Variants in LRRTM3 observed in about 807,000 individuals in gnomAD.
LRRTM3 encodes leucine-rich repeat transmembrane neuronal protein 3.
LRRTM3 carries 24 observed loss-of-function variants against 44.7 expected under a neutral mutation model. The observed-to-expected ratio is 0.54, with a 90% CI of 0.39 to 0.76. LRRTM3 has a LOEUF of 0.76. LRRTM3 is among the 30% of genes least tolerant of loss of function. The pLI, the probability that LRRTM3 is intolerant of heterozygous loss-of-function variation, is 0.00. For missense variants in LRRTM3, 587 were observed against 702.2 expected (o/e 0.84, Z 1.85); for synonymous variants, 277 against 278.7 (o/e 0.99, Z 0.06).
chr10:66,951,437 G>T (rs1050359057), intron 2 of LRRTM3, among the ~76,000 whole-genome samples: 2 of 152,074 alleles, frequency 1.3e-5, no homozygotes, highest in African/African-American at 4.8e-5. Flanking sequence ...CTTTTAAATG[G>T]CTTACTATGT....
chr10:66,972,519 G>C (rs1192073341), intron 2 of LRRTM3, among the ~76,000 whole-genome samples: 2 of 151,758 alleles, frequency 1.3e-5, no homozygotes, highest in Non-Finnish European at 2.9e-5. Context: ...GGTATTTTTG[G>C]TCCATTTGCT....
At position 66,927,796 on chromosome 10, in the gene LRRTM3, G is replaced by T; in HGVS notation, c.880G>T (p.Gly294Cys). 1 of 1,614,180 alleles carries T rather than the reference G, an allele frequency of 6.2e-7. No individual in the cohort carries two copies. The highest frequency in any genetic ancestry group is 8.5e-7 in the Non-Finnish European group (1 of 1,180,036). ...NLDSNKLTFI[G>C]QEILDSWISL... ...GGATTCCAACAAGCTCACATTTATTGGTCAAGAGATTTTGGATTCTTGGAT... is the reference window on the plus strand; with the variant it reads ...GGATTCCAACAAGCTCACATTTATTTGTCAAGAGATTTTGGATTCTTGGAT... Residue 294 changes from glycine to cysteine, a missense_variant, in exon 2 of 3, where the codon GGT (glycine) becomes TGT (cysteine). By Grantham distance (159) the Gly-to-Cys change is radical. Around this residue, in one of 3 missense-constraint regions of LRRTM3, gnomAD observed 222 missense variants for 323.3 expected, o/e 0.69. Transcript: ENST00000361320. The surrounding 1 kb of genome is among the most constrained non-coding windows in gnomAD (Gnocchi z 4.7).
At chr10:66,930,440 C>T (rs764966968) in intron 2 of LRRTM3, among the ~76,000 whole-genome samples, 2 of 152,080 alleles carry the variant, frequency 1.3e-5, no homozygotes, top group African/African-American at 2.4e-5. Context: ...TCAGTAAATA[C>T]ATATTCCATC....
Position 66,927,929 on chromosome 10 carries a change from T to C in LRRTM3, c.1013T>C (p.Ile338Thr), listed in dbSNP as rs1385597918. 6.2e-7 allele frequency: 1 copy of C among 1,614,204 alleles called. No homozygotes were observed. The highest frequency in any genetic ancestry group is 1.1e-5 in the South Asian group (1 of 91,084). ...TTTAAAGGTCTAAGGGAGAATACAA[T>C]TATCTGTGCCAGTCCCAAAGAGCTG... ...KSFKGLRENTIICASPKELQG... is the reference protein window; with the variant it reads ...KSFKGLRENTTICASPKELQG... The change falls in exon 2 of 3, where the codon ATT (isoleucine) becomes ACT (threonine). Residue 338 changes from isoleucine to threonine, a missense_variant. Physicochemically the swap from Ile to Thr is moderately conservative, Grantham distance 89. Coordinates refer to ENST00000361320, the MANE Select transcript of LRRTM3 (RefSeq NM_178011.5). This position sits in a 1 kb window ranked among gnomAD's most constrained non-coding sequence, Gnocchi z 4.7.
Position 67,097,933 on chromosome 10 carries a change from A to T in LRRTM3, c.*137A>T. 2 of 707,140 alleles carry T rather than the reference A, an allele frequency of 2.8e-6. No individual in the cohort carries two copies. The highest frequency in any genetic ancestry group is 1.9e-5 in the South Asian group (1 of 53,114). The allele number at this position is 707,140 out of a possible 1,614,324, so 43.8% of individuals were successfully genotyped here. The stretch of plus-strand genomic sequence containing the variant: ...TGTTCAAATAAACAAAAAATCCAAG[A>T]TTGATTCATGAAATAAAGAAGACAT... On this transcript the variant is annotated 3_prime_UTR_variant, in exon 3 of 3. Coordinates refer to ENST00000361320, the MANE Select transcript of LRRTM3 (RefSeq NM_178011.5).
intron 2 of LRRTM3, among the ~76,000 whole-genome samples, chr10:67,042,882 A>T (rs1589650619): frequency 6.6e-6 from 1 of 152,164 alleles, no homozygotes; most frequent in East Asian, 1.9e-4. Context: ...GCAATAGACC[A>T]GAGGGTTTAA....
At chr10:67,032,231 T>C (rs1853771686) in intron 2 of LRRTM3, among the ~76,000 whole-genome samples, 1 of 152,136 alleles carries the variant, frequency 6.6e-6, no homozygotes, top group Non-Finnish European at 1.5e-5. Context: ...CTACTTTGAC[T>C]CCAGAACTGA....
chr10:67,067,210 T>C (rs1346343497), intron 2 of LRRTM3, among the ~76,000 whole-genome samples: 1 of 152,184 alleles, frequency 6.6e-6, no homozygotes, highest in Non-Finnish European at 1.5e-5. Context: ...ACCACAGAAG[T>C]GAAACAATTT....
At chr10:66,934,189 G>A (rs556482997) in intron 2 of LRRTM3, among the ~76,000 whole-genome samples, 1 of 151,838 alleles carries the variant, frequency 6.6e-6, no homozygotes, top group African/African-American at 2.4e-5. Context: ...TGAAAAAAAA[G>A]AAAAACAGCT....
intron 2 of LRRTM3, among the ~76,000 whole-genome samples, chr10:66,992,809 CCTT>C (rs994903230): frequency 6.6e-6 from 1 of 151,942 alleles, no homozygotes; most frequent in African/African-American, 2.4e-5. Context: ...ACTAGTTCTT[CCTT>C]CTTCTCAATT....
chr10:67,064,340 C>T (rs1250002668), intron 2 of LRRTM3, among the ~76,000 whole-genome samples: 5 of 152,078 alleles, frequency 3.3e-5, no homozygotes, highest in African/African-American at 1.2e-4. Flanking sequence ...TGATCCATCC[C>T]TTGAAGCTCC....
intron 2 of LRRTM3, among the ~76,000 whole-genome samples, chr10:66,996,154 G>T: frequency 6.6e-6 from 1 of 152,142 alleles, no homozygotes; most frequent in East Asian, 1.9e-4. Context: ...GCACAAGTAG[G>T]TCTCAAAGCT....
chr10:67,072,407 G>A (rs1002474060), intron 2 of LRRTM3, among the ~76,000 whole-genome samples: 1 of 151,948 alleles, frequency 6.6e-6, no homozygotes, highest in African/African-American at 2.4e-5. Flanking sequence ...TTGATTATTT[G>A]TCATGTAGTT....
intron 2 of LRRTM3, among the ~76,000 whole-genome samples, chr10:66,978,027 T>A (rs572161912): frequency 6.7e-6 from 1 of 149,006 alleles, no homozygotes; most frequent in South Asian, 2.1e-4. Flanking sequence ...TAGTATAACA[T>A]CATGAGTGAA....
intron 2 of LRRTM3, among the ~76,000 whole-genome samples, chr10:66,964,410 CT>C (rs1849290442): frequency 6.6e-6 from 1 of 151,658 alleles, no homozygotes; most frequent in African/African-American, 2.4e-5. Context: ...CATTTTTAAA[CT>C]GGCACAAAAG....
intron 2 of LRRTM3, among the ~76,000 whole-genome samples, chr10:66,943,472 C>T (rs10997449): frequency 0.59 from 88,710 of 151,076 alleles, 27,793 homozygotes; most frequent in Admixed American, 0.69. Flanking sequence ...TTCCTGAAAT[C>T]CTGGGAAGCC....
chr10:67,070,124 A>C (rs1240516333), intron 2 of LRRTM3, among the ~76,000 whole-genome samples: 2 of 152,148 alleles, frequency 1.3e-5, no homozygotes. Flanking sequence ...TTTTGACTTA[A>C]TTTGCATTAG....
At chr10:67,046,457 T>C (rs1021048231) in intron 2 of LRRTM3, among the ~76,000 whole-genome samples, 1 of 152,104 alleles carries the variant, frequency 6.6e-6, no homozygotes. Flanking sequence ...CTCAATTAAC[T>C]GCAAGCTAAT....
intron 2 of LRRTM3, among the ~76,000 whole-genome samples, chr10:67,091,131 T>C (rs1857605350): frequency 6.6e-6 from 1 of 151,894 alleles, no homozygotes; most frequent in South Asian, 2.1e-4. Flanking sequence ...TAGGACAAAA[T>C]AAACGTTGCT....
Sources: gnomAD v4.1 joint callset for allele counts (sites outside exome capture counted in the v4.1 genomes callset) on GRCh38, gnomAD v4.1.1 for gene constraint, gnomAD v4.1.1 regional missense constraint, Gnocchi (gnomAD v3.1) non-coding constraint, MANE v1.5 for transcripts, NCBI Gene and HGNC (gene_info 2026-07-23, HGNC 2026-07-21) for gene names.